Variants in PLPPR1 observed in about 807,000 individuals in gnomAD.
The protein encoded by PLPPR1 is phospholipid phosphatase related 1.
In PLPPR1, 10 loss-of-function variants were observed where a neutral mutation model predicts 33.1. That is an observed-to-expected ratio of 0.30 (90% CI 0.19 to 0.51). The LOEUF is 0.51. Among genes scored for constraint, PLPPR1 ranks in the 20% least tolerant of loss-of-function variants. PLPPR1 has a pLI of 0.97. For synonymous variants in PLPPR1, 151 were observed against 151.0 expected (o/e 1.00, Z 0.00); for missense variants, 304 against 408.1 (o/e 0.74, Z 2.20).
intron 1 of PLPPR1, among the ~76,000 whole-genome samples, chr9:101,143,331 C>T (rs1831477954): frequency 6.6e-6 from 1 of 152,110 alleles, no homozygotes; most frequent in African/African-American, 2.4e-5. Flanking sequence ...TTCTGTAGGT[C>T]TGGGGTGGTG....
At chr9:101,134,101 A>G (rs1588041853) in intron 1 of PLPPR1, among the ~76,000 whole-genome samples, 1 of 152,202 alleles carries the variant, frequency 6.6e-6, no homozygotes. Flanking sequence ...ACTAAACTCA[A>G]GTTTAGATTT....
chr9:101,155,018 A>G (rs1289009961), intron 1 of PLPPR1, among the ~76,000 whole-genome samples: 1 of 151,366 alleles, frequency 6.6e-6, no homozygotes, highest in Admixed American at 6.6e-5. Context: ...GTAAATGATG[A>G]GTTAATGGGT....
chr9:101,162,101 T>C lies in PLPPR1; in HGVS notation c.-45-23349T>C, dbSNP rs934621554. Among the ~76,000 whole-genome samples, 16 of 84,168 alleles carry C rather than the reference T, an allele frequency of 1.9e-4. No individual in the cohort carries two copies. The East Asian group carries it at 2.9e-3, about 15-fold the overall frequency. The allele number at this position is 84,168 out of a possible 152,430, so 55.2% of individuals were successfully genotyped here. Reference sequence around the variant, plus strand: ...CCTCTCTGAGCCTCAGTATCCACAATTGTTAAAAAAAAAAAAAAGATAATA... The same window carrying C: ...CCTCTCTGAGCCTCAGTATCCACAACTGTTAAAAAAAAAAAAAAGATAATA... On this transcript the variant is annotated intron_variant, in intron 1 of 7. Coordinates refer to ENST00000374874, the MANE Select transcript of PLPPR1 (RefSeq NM_207299.2).
chr9:101,301,626 A>G (rs1316240699), intron 4 of PLPPR1, among the ~76,000 whole-genome samples: 3 of 152,214 alleles, frequency 2.0e-5, no homozygotes, highest in Non-Finnish European at 4.4e-5. Context: ...ATTGCTCTGT[A>G]AACACCTAAA....
chr9:101,235,216 C>T (rs562949284), intron 2 of PLPPR1, among the ~76,000 whole-genome samples: 6 of 151,810 alleles, frequency 4.0e-5, no homozygotes, highest in African/African-American at 9.7e-5. Context: ...CTTTTTCCCC[C>T]GATTCCTTTC....
chr9:101,277,302 C>T (rs1828214795), intron 3 of PLPPR1, among the ~76,000 whole-genome samples: 1 of 152,144 alleles, frequency 6.6e-6, no homozygotes, highest in Non-Finnish European at 1.5e-5. Flanking sequence ...GTTAGAATAT[C>T]TAGAGTGTGG....
chr9:101,044,914 G>A (rs1830126395), intron 1 of PLPPR1, among the ~76,000 whole-genome samples: 1 of 152,102 alleles, frequency 6.6e-6, no homozygotes, highest in Non-Finnish European at 1.5e-5. Context: ...TGCTTACTAT[G>A]TTCCCTTCTT....
chr9:101,229,407 A>G (rs1827137994), intron 2 of PLPPR1, among the ~76,000 whole-genome samples: 1 of 151,816 alleles, frequency 6.6e-6, no homozygotes, highest in African/African-American at 2.4e-5. Flanking sequence ...AGAAATTCAC[A>G]CTTTATTTTT....
chr9:101,288,857 A>G (rs1308453121), intron 4 of PLPPR1, among the ~76,000 whole-genome samples: 2 of 152,188 alleles, frequency 1.3e-5, no homozygotes, highest in Non-Finnish European at 2.9e-5. Context: ...TTGTTTTGCA[A>G]TATCATTGCA....
intron 1 of PLPPR1, among the ~76,000 whole-genome samples, chr9:101,073,339 T>C (rs747205148): frequency 1.1e-4 from 17 of 152,116 alleles, no homozygotes; most frequent in Non-Finnish European, 2.1e-4. Context: ...GTGAGGGGTG[T>C]TATGCAAAGG....
intron 1 of PLPPR1, among the ~76,000 whole-genome samples, chr9:101,128,429 C>T (rs78960191): frequency 3.4e-3 from 519 of 152,200 alleles, no homozygotes; most frequent in African/African-American, 0.012. Context: ...CTACTCTTGC[C>T]AAACTCTTGT....
intron 2 of PLPPR1, among the ~76,000 whole-genome samples, chr9:101,188,445 G>T (rs1190499126): frequency 1.3e-5 from 2 of 151,802 alleles, no homozygotes; most frequent in African/African-American, 4.8e-5. Flanking sequence ...TCATCTATAA[G>T]TGGCAGCAGA....
At position 101,324,098 on chromosome 9, in the gene PLPPR1, C is replaced by T; in HGVS notation, c.*41C>T. ...ACAAGCTGTTTTTTAAAATCATCTTCCAATTCTATACTTCAAAACACACAG... is the reference window on the plus strand; with the variant it reads ...ACAAGCTGTTTTTTAAAATCATCTTTCAATTCTATACTTCAAAACACACAG... On this transcript the variant is annotated 3_prime_UTR_variant, in exon 8 of 8. Coordinates refer to ENST00000374874, the MANE Select transcript of PLPPR1 (RefSeq NM_207299.2). The T allele has an allele frequency of 6.4e-7, 1 of 1,564,030 alleles. No individual in the cohort carries two copies. The highest frequency in any genetic ancestry group is 8.8e-7 in the Non-Finnish European group (1 of 1,136,050).
intron 1 of PLPPR1, among the ~76,000 whole-genome samples, chr9:101,051,827 T>C (rs1233041712): frequency 6.6e-6 from 1 of 152,206 alleles, no homozygotes; most frequent in Non-Finnish European, 1.5e-5. Context: ...GGTGATAACC[T>C]CTATTTACAT....
intron 2 of PLPPR1, among the ~76,000 whole-genome samples, chr9:101,215,208 C>G (rs1826766917): frequency 6.6e-6 from 1 of 151,968 alleles, no homozygotes; most frequent in Non-Finnish European, 1.5e-5. Flanking sequence ...GTGCTCAGAA[C>G]CAGGAGAGGT....
At chr9:101,270,561 T>C (rs1461098092) in intron 3 of PLPPR1, among the ~76,000 whole-genome samples, 4 of 152,208 alleles carry the variant, frequency 2.6e-5, no homozygotes, top group African/African-American at 7.2e-5. Context: ...TTTGCTGTGA[T>C]TCATTCTTGA....
chr9:101,102,916 A>T (rs1223571007), intron 1 of PLPPR1, among the ~76,000 whole-genome samples: 1 of 55,934 alleles, frequency 1.8e-5, no homozygotes, highest in African/African-American at 7.9e-5. Flanking sequence ...GCATTTTTTC[A>T]TGTGTTTTTT....
At chr9:101,312,775 C>A in intron 5 of PLPPR1, 23 bp from the exon 6 acceptor site, 1 of 1,610,026 alleles carries the variant, frequency 6.2e-7, no homozygotes. Context: ...CCTGGTCACT[C>A]CCTGGCCTCT....
rs575883491 is a variant in PLPPR1, at chr9:101,321,253, A to G, written c.946-2772A>G. ...AAGGAGAAGACTGGATGGGGAGGGCATCAGTCACGCTCGTTTCCCTTTCTC... is the reference window on the plus strand; with the variant it reads ...AAGGAGAAGACTGGATGGGGAGGGCGTCAGTCACGCTCGTTTCCCTTTCTC... On this transcript the variant is annotated intron_variant, in intron 7 of 7. Transcript: ENST00000374874. 2.0e-5 allele frequency among the ~76,000 whole-genome samples: 3 copies of G among 152,304 alleles called. No individual in the cohort carries two copies. The South Asian group carries it at 6.2e-4, about 32-fold the overall frequency.
Sources: allele counts gnomAD v4.1 joint callset (sites outside exome capture counted in the v4.1 genomes callset), GRCh38; gene constraint gnomAD v4.1.1; transcripts MANE v1.5; gene names NCBI Gene and HGNC (gene_info 2026-07-23, HGNC 2026-07-21).